Variants in ASIC2 observed in about 807,000 individuals in gnomAD.
The protein encoded by ASIC2 is acid sensing ion channel subunit 2, also known as acid-sensing ion channel 2.
A neutral mutation model predicts 57.3 loss-of-function variants in ASIC2; 25 were observed. The ratio of observed to expected loss-of-function variants is 0.44; its 90% confidence interval spans 0.32 to 0.61. The LOEUF (loss-of-function observed/expected upper bound fraction) is 0.61, where lower values mean the gene tolerates loss of function less well. ASIC2 is among the 20% of genes least tolerant of loss of function. The pLI is 0.06. For missense variants in ASIC2, 641 were observed against 738.1 expected (o/e 0.87, Z 1.52); for synonymous variants, 319 against 307.5 (o/e 1.04, Z -0.39).
chr17:34,136,452 A>G (rs1912129495), intron 1 of ASIC2, among the ~76,000 whole-genome samples: 1 of 152,172 alleles, frequency 6.6e-6, no homozygotes, highest in South Asian at 2.1e-4. Context: ...CTACATAACA[A>G]GAACCTTGGC....
intron 1 of ASIC2, among the ~76,000 whole-genome samples, chr17:33,163,388 T>C (rs1220899356): frequency 6.6e-6 from 1 of 152,006 alleles, no homozygotes; most frequent in Non-Finnish European, 1.5e-5. Context: ...CATCTCAGCA[T>C]CTGCACCAGC....
chr17:33,144,975 G>A (rs191980088), intron 1 of ASIC2, among the ~76,000 whole-genome samples: 44 of 152,304 alleles, frequency 2.9e-4, no homozygotes, highest in Middle Eastern at 6.8e-3. Context: ...CATTCCTAGA[G>A]CTAGTACAAG....
At chr17:33,015,902 C>A (rs1264761079) in intron 9 of ASIC2, 69 bp downstream of exon 9, 1 of 1,543,836 alleles carries the variant, frequency 6.5e-7, no homozygotes, top group African/African-American at 1.4e-5. Flanking sequence ...CCGGCCCCAG[C>A]ATCTGGTTTT....
intron 1 of ASIC2, among the ~76,000 whole-genome samples, chr17:33,242,410 T>C (rs534570069): frequency 2.6e-5 from 4 of 152,340 alleles, no homozygotes; most frequent in Non-Finnish European, 5.9e-5. Context: ...GCCTGTGTTT[T>C]ATAGCCCAGC....
intron 1 of ASIC2, among the ~76,000 whole-genome samples, chr17:33,363,073 A>G (rs566654547): frequency 2.6e-5 from 4 of 152,324 alleles, no homozygotes; most frequent in Non-Finnish European, 5.9e-5. Context: ...TATGGGCCCC[A>G]ACAGCACTTT....
intron 1 of ASIC2, among the ~76,000 whole-genome samples, chr17:34,106,190 T>C (rs942114721): frequency 5.9e-5 from 9 of 152,176 alleles, no homozygotes; most frequent in African/African-American, 2.2e-4. Context: ...CACACTATCT[T>C]AGGATATCAC....
At chr17:33,314,046 G>C (rs1906542089) in intron 1 of ASIC2, among the ~76,000 whole-genome samples, 1 of 152,204 alleles carries the variant, frequency 6.6e-6, no homozygotes, top group Admixed American at 6.5e-5. Context: ...TTCCTCTGTG[G>C]TTATGTGTGG....
intron 1 of ASIC2, among the ~76,000 whole-genome samples, chr17:33,450,933 C>G (rs539529744): frequency 6.6e-6 from 1 of 152,354 alleles, no homozygotes; most frequent in Non-Finnish European, 1.5e-5. Flanking sequence ...ACATATCCAA[C>G]TGCTATCCTG....
chr17:33,844,699 C>T (rs541101856), intron 1 of ASIC2, among the ~76,000 whole-genome samples: 5 of 152,256 alleles, frequency 3.3e-5, no homozygotes, highest in African/African-American at 4.8e-5. Flanking sequence ...AATAAATTTC[C>T]TCAACCAATT....
chr17:33,728,807 A>C (rs762851389), intron 1 of ASIC2, among the ~76,000 whole-genome samples: 7 of 152,150 alleles, frequency 4.6e-5, no homozygotes, highest in Non-Finnish European at 1.0e-4. Flanking sequence ...GGCCAACCAG[A>C]GCTGCAGCGC....
intron 1 of ASIC2, among the ~76,000 whole-genome samples, chr17:33,381,264 A>G (rs967209964): frequency 6.6e-6 from 1 of 152,198 alleles, no homozygotes; most frequent in Non-Finnish European, 1.5e-5. Flanking sequence ...TCTCCTTTTT[A>G]ATAAACCAGA....
chr17:33,512,427 T>A (rs1489002214), intron 1 of ASIC2, among the ~76,000 whole-genome samples: 1 of 152,216 alleles, frequency 6.6e-6, no homozygotes, highest in Admixed American at 6.5e-5. Context: ...GTCCTTGATC[T>A]TAGAAACTTA....
At position 33,329,750 on chromosome 17, in the gene ASIC2, T is replaced by C. The variant is rs188907830; in HGVS notation, c.556-217683A>G. Among the ~76,000 whole-genome samples the C allele has an allele frequency of 1.9e-3, 284 of 152,314 alleles. 1 individual carries two copies. The highest frequency in any genetic ancestry group is 0.014 in the Middle Eastern group (4 of 294). On this transcript the variant is annotated intron_variant, in intron 1 of 9. Coordinates refer to the ASIC2 transcript ENST00000359872. The stretch of plus-strand genomic sequence containing the variant: ...CCTCTTTCAGTTCCAGTTTTTTTTT[T>C]CCTTCGCCTTCACAAGGGGGATTGT...
chr17:33,223,658 A>G (rs1428162817), intron 1 of ASIC2, among the ~76,000 whole-genome samples: 1 of 152,242 alleles, frequency 6.6e-6, no homozygotes, highest in Non-Finnish European at 1.5e-5. Flanking sequence ...TTCCTTATAT[A>G]ATATTTGGTA....
rs1907942551 is a variant in ASIC2 at position 34,037,681 on chromosome 17, G to A, written c.555+118297C>T. ...TTGATGCAATAGCAGCTCCAGCAGG[G>A]CTACTCGTAGAGACTGACTTTTGGA... On this transcript the variant is annotated intron_variant, in intron 1 of 9. Coordinates refer to the ASIC2 transcript ENST00000359872. 8.1e-6 allele frequency: 13 copies of A among 1,613,868 alleles called. No homozygotes were observed. In the South Asian group the frequency reaches 1.4e-4, roughly 18 times the overall value.
intron 1 of ASIC2, among the ~76,000 whole-genome samples, chr17:33,370,884 A>G (rs746254373): frequency 2.6e-5 from 4 of 152,230 alleles, no homozygotes; most frequent in Admixed American, 6.5e-5. Context: ...ATTCCAGGCA[A>G]GTCCGCAGTG....
At chr17:33,091,134 G>A (rs1332317546) in intron 2 of ASIC2, among the ~76,000 whole-genome samples, 1 of 152,218 alleles carries the variant, frequency 6.6e-6, no homozygotes. Flanking sequence ...CTAACCCAGG[G>A]CCTGGCCCTC....
intron 1 of ASIC2, among the ~76,000 whole-genome samples, chr17:33,511,138 C>A (rs1241414113): frequency 6.7e-6 from 1 of 150,126 alleles, no homozygotes; most frequent in Admixed American, 6.6e-5. Flanking sequence ...ATGCCCCCTC[C>A]AGCTGTATGG....
At chr17:33,207,599 T>C (rs1871779188) in intron 1 of ASIC2, among the ~76,000 whole-genome samples, 1 of 152,192 alleles carries the variant, frequency 6.6e-6, no homozygotes. Flanking sequence ...TAAAAGCGGC[T>C]TGTAGCAGAT....
Sources: gnomAD v4.1 joint callset for allele counts (sites outside exome capture counted in the v4.1 genomes callset) on GRCh38, gnomAD v4.1.1 for gene constraint, MANE v1.5 for transcripts, NCBI Gene and HGNC (gene_info 2026-07-23, HGNC 2026-07-21) for gene names.